Variants in ADCY8 observed in about 807,000 individuals in gnomAD.
The protein encoded by ADCY8 is adenylate cyclase 8, also known as adenylate cyclase type 8.
Under a neutral mutation model 119.7 loss-of-function variants are expected in ADCY8, and 51 were observed. That is an observed-to-expected ratio of 0.43 (90% CI 0.34 to 0.54). The LOEUF (loss-of-function observed/expected upper bound fraction) is 0.54. Ranked by LOEUF, ADCY8 falls within the 20% of genes least tolerant of loss-of-function variation. The pLI is 0.03. For missense variants in ADCY8, 1,383 were observed against 1,598.8 expected, an observed-to-expected ratio of 0.87 and a Z score of 2.30; for synonymous variants, 665 against 651.0, an observed-to-expected ratio of 1.02 and a Z score of -0.33.
At chr8:131,034,228 C>G (rs561806850) in intron 1 of ADCY8, among the ~76,000 whole-genome samples, 2 of 152,124 alleles carry the variant, frequency 1.3e-5, no homozygotes, top group South Asian at 4.2e-4. Flanking sequence ...TTTGAGATAG[C>G]TACAAAGAAC....
chr8:130,889,676 C>A (rs370415584), intron 7 of ADCY8, among the ~76,000 whole-genome samples: 1 of 152,152 alleles, frequency 6.6e-6, no homozygotes, highest in Admixed American at 6.5e-5. Context: ...CCCAGTTGTT[C>A]CATAGGTGAT....
chr8:131,040,442 A>C lies in ADCY8; in HGVS notation c.-109T>G. The C allele has an allele frequency of 7.6e-7, 1 of 1,314,964 alleles. No homozygotes were observed. The highest frequency in any genetic ancestry group is 9.8e-7 in the Non-Finnish European group (1 of 1,019,476). The allele number at this position is 1,314,964 out of a possible 1,614,324, so 81.5% of individuals were successfully genotyped here. A position where few individuals can be genotyped will look rare whatever the true frequency, so the allele number is the denominator to read the frequency against. On this transcript the variant is annotated 5_prime_UTR_variant, in exon 1 of 18. An upstream open reading frame in the 5' UTR loses its in-frame stop. Transcript: ENST00000286355. ...TAGGAGCTTGGCAAGGATCCTTTTT[A>C]TCCTAGGCTGCCCCGTTGCAGGAGC... is the stretch of plus-strand genomic sequence containing the variant.
At chr8:130,815,182 A>G (rs192344) in intron 13 of ADCY8, among the ~76,000 whole-genome samples, 126,462 of 152,184 alleles carry the variant, frequency 0.83, 52,633 homozygotes, top group East Asian at 0.92. Context: ...CTGCAAGCCA[A>G]ATAAGAGCCC....
chr8:130,966,374 AG>A (rs1215583293), intron 2 of ADCY8, among the ~76,000 whole-genome samples: 1 of 152,178 alleles, frequency 6.6e-6, no homozygotes, highest in African/African-American at 2.4e-5. Context: ...ATTGAGGTGC[AG>A]GGCCATGAGA....
At chr8:130,951,409 G>T (rs575637199) in intron 3 of ADCY8, among the ~76,000 whole-genome samples, 5 of 152,246 alleles carry the variant, frequency 3.3e-5, no homozygotes, top group African/African-American at 1.2e-4. Context: ...TAGATGGATG[G>T]GTGGATGGAT....
intron 3 of ADCY8, among the ~76,000 whole-genome samples, chr8:130,945,429 T>C (rs1821079364): frequency 6.6e-6 from 1 of 152,158 alleles, no homozygotes; most frequent in South Asian, 2.1e-4. Flanking sequence ...AGAATTTGAG[T>C]CTAGATAGAT....
intron 1 of ADCY8, among the ~76,000 whole-genome samples, chr8:131,003,817 A>G (rs1005949094): frequency 2.0e-5 from 3 of 152,062 alleles, no homozygotes; most frequent in Admixed American, 6.5e-5. Flanking sequence ...TAGGGTCCAC[A>G]GATTATGGGT....
At chr8:130,923,004 A>T (rs1184343650) in intron 5 of ADCY8, among the ~76,000 whole-genome samples, 1 of 152,248 alleles carries the variant, frequency 6.6e-6, no homozygotes, top group Non-Finnish European at 1.5e-5. Context: ...CACATGGCAA[A>T]CATTCTATCA....
chr8:130,883,615 C>A (rs1586529012), intron 8 of ADCY8, among the ~76,000 whole-genome samples: 1 of 152,196 alleles, frequency 6.6e-6, no homozygotes. Context: ...CTCACTGGAG[C>A]TTTACAGAGT....
Position 131,039,589 on chromosome 8 carries a change from T to A in ADCY8, c.745A>T (p.Thr249Ser). 1 of 1,613,888 alleles carries A rather than the reference T, an allele frequency of 6.2e-7. No homozygotes were observed. Among genetic ancestry groups the A allele is most frequent in the Non-Finnish European group, 8.5e-7 (1 of 1,180,012 alleles). ...HTYLQYSGVV[T>S]WVAMTTQILA... The stretch of plus-strand genomic sequence containing the variant: ...ATCTGGGTGGTCATGGCCACCCAGG[T>A]GACCACGCCGCTGTACTGCAGGTAC... Residue 249 changes from threonine (T) to serine (S), a missense_variant, in exon 1 of 18, where the codon ACC becomes TCC. Physicochemically the swap from Thr to Ser is moderately conservative, Grantham distance 58. Transcript: ENST00000286355.
intron 13 of ADCY8, 85 bp downstream of exon 13, chr8:130,821,256 AT>A (rs1816498570): frequency 1.8e-6 from 2 of 1,127,216 alleles, no homozygotes; most frequent in Middle Eastern, 2.0e-4. Flanking sequence ...GCTAAAAGTT[AT>A]TTGCTGCAAA....
intron 1 of ADCY8, among the ~76,000 whole-genome samples, chr8:131,007,295 C>T (rs1316403873): frequency 6.6e-6 from 1 of 152,130 alleles, no homozygotes; most frequent in African/African-American, 2.4e-5. Context: ...TCCCAGACTC[C>T]CAGCACCATT....
intron 9 of ADCY8, among the ~76,000 whole-genome samples, chr8:130,854,013 G>A (rs1337425227): frequency 1.3e-5 from 2 of 152,120 alleles, no homozygotes; most frequent in African/African-American, 2.4e-5. Context: ...TGAAATTCAG[G>A]AAACCAAAAG....
chr8:130,968,576 C>G (rs998226137), intron 2 of ADCY8, among the ~76,000 whole-genome samples: 8 of 152,186 alleles, frequency 5.3e-5, no homozygotes, highest in Non-Finnish European at 7.3e-5. Context: ...GGTGTGGCAT[C>G]ATGCACATCC....
Position 130,784,378 on chromosome 8 carries a change from C to T in ADCY8, c.3154-573G>A, listed in dbSNP as rs114908973. 8.7e-3 allele frequency among the ~76,000 whole-genome samples: 1,322 copies of T among 152,298 alleles called. 16 individuals carry two copies. The highest frequency in any genetic ancestry group is 0.03 in the African/African-American group (1,259 of 41,556). ...GCATAAGCCTCTGGGCCTCTCTGAACCTCAGTTTCCAAATCTATAAAATGG... is the reference window on the plus strand; with the variant it reads ...GCATAAGCCTCTGGGCCTCTCTGAATCTCAGTTTCCAAATCTATAAAATGG... On this transcript the variant is annotated intron_variant, in intron 16 of 17. Coordinates refer to ENST00000286355, the MANE Select transcript of ADCY8 (RefSeq NM_001115.3).
At chr8:131,039,078 T>G (rs1410661353) in intron 1 of ADCY8, among the ~76,000 whole-genome samples, 1 of 152,148 alleles carries the variant, frequency 6.6e-6, no homozygotes, top group Non-Finnish European at 1.5e-5. Flanking sequence ...CTGCAGACCC[T>G]GAGGGAGGGG....
intron 9 of ADCY8, among the ~76,000 whole-genome samples, chr8:130,854,207 G>A (rs558341497): frequency 1.8e-4 from 28 of 152,262 alleles, no homozygotes; most frequent in African/African-American, 6.7e-4. Context: ...AGCCACTCAG[G>A]CATCCAGGGG....
chr8:131,002,530 G>A (rs974456038), intron 1 of ADCY8, among the ~76,000 whole-genome samples: 1 of 152,190 alleles, frequency 6.6e-6, no homozygotes, highest in Non-Finnish European at 1.5e-5. Flanking sequence ...TGTTGGCTCT[G>A]TGGCCATGCT....
chr8:130,950,227 ATAC>A (rs1288078744), intron 3 of ADCY8, among the ~76,000 whole-genome samples: 1 of 152,142 alleles, frequency 6.6e-6, no homozygotes, highest in African/African-American at 2.4e-5. Context: ...TGGGTGGGAG[ATAC>A]AGTTCCACTG....
Sources: allele counts gnomAD v4.1 joint callset (sites outside exome capture counted in the v4.1 genomes callset), GRCh38; gene constraint gnomAD v4.1.1; transcripts MANE v1.5; gene names NCBI Gene and HGNC (gene_info 2026-07-23, HGNC 2026-07-21).